The following AUTS2 variants were observed in gnomAD, a reference collection of about 807,000 sequenced individuals.
AUTS2 encodes the protein autism susceptibility gene 2 protein.
Under a neutral mutation model 112.4 loss-of-function variants are expected in AUTS2, and 17 were observed. The ratio of observed to expected loss-of-function variants is 0.15; its 90% CI spans 0.10 to 0.23. AUTS2 has a LOEUF of 0.23. Among genes scored for constraint, AUTS2 ranks in the 10% least tolerant of loss-of-function variants. The pLI is 1.00. For missense variants in AUTS2, 1,510 were observed against 1,701.6 expected (o/e 0.89, Z 1.98); for synonymous variants, 751 against 702.7 (o/e 1.07, Z -1.09).
intron 1 of AUTS2, among the ~76,000 whole-genome samples, chr7:69,762,890 T>TA (rs1788254614): frequency 6.6e-6 from 1 of 152,212 alleles, no homozygotes; most frequent in Non-Finnish European, 1.5e-5. Context: ...TGCATGTTCT[T>TA]ACATGCTCCT....
chr7:70,140,291 T>G (rs1806792877), intron 4 of AUTS2, among the ~76,000 whole-genome samples: 1 of 152,200 alleles, frequency 6.6e-6, no homozygotes, highest in Non-Finnish European at 1.5e-5. Flanking sequence ...TTAGACCCAG[T>G]GTTCGTTAGG....
At chr7:70,635,851 GT>G (rs1398111080) in intron 5 of AUTS2, among the ~76,000 whole-genome samples, 1 of 152,206 alleles carries the variant, frequency 6.6e-6, no homozygotes, top group African/African-American at 2.4e-5. Context: ...AATTGATGAT[GT>G]GCCAGGTGGA....
intron 5 of AUTS2, among the ~76,000 whole-genome samples, chr7:70,691,914 T>TGTTTAGGCTGTAGTACA (rs1808774989): frequency 2.0e-5 from 3 of 149,846 alleles, no homozygotes; most frequent in Non-Finnish European, 4.4e-5. Flanking sequence ...CTTACTCTGT[T>TGTTTAGGCTGTAGTACA]GTTTAGGCTG....
chr7:70,640,421 G>GGA (rs370175951), intron 5 of AUTS2, among the ~76,000 whole-genome samples: 3 of 93,640 alleles, frequency 3.2e-5, no homozygotes, highest in South Asian at 4.8e-4. Flanking sequence ...CTCACAGGGG[G>GGA]AAAAAAAAAA....
At chr7:70,365,550 A>C (rs1299009217) in intron 4 of AUTS2, among the ~76,000 whole-genome samples, 1 of 152,238 alleles carries the variant, frequency 6.6e-6, no homozygotes, top group Non-Finnish European at 1.5e-5. Context: ...GACTCCTTCC[A>C]TTCATGTCTG....
At chr7:70,363,342 A>AGTCTTATTTTTAATTGCTC (rs1562909977) in intron 4 of AUTS2, among the ~76,000 whole-genome samples, 2 of 132,304 alleles carry the variant, frequency 1.5e-5, no homozygotes, top group African/African-American at 6.2e-5. Context: ...AGCTATTGAT[A>AGTCTTATTTTTAATTGCTC]TACCTAATGC....
chr7:70,666,892 T>C (rs1807379067), intron 5 of AUTS2, among the ~76,000 whole-genome samples: 1 of 150,604 alleles, frequency 6.6e-6, no homozygotes, highest in Non-Finnish European at 1.5e-5. Context: ...CAGGAGAGCA[T>C]CACTCCCAGC....
At chr7:70,673,986 A>T (rs1013503159) in intron 5 of AUTS2, among the ~76,000 whole-genome samples, 1 of 152,242 alleles carries the variant, frequency 6.6e-6, no homozygotes, top group African/African-American at 2.4e-5. Flanking sequence ...CAGAGATGAC[A>T]GATCTCATGT....
chr7:69,848,500 G>A (rs1204159202), intron 1 of AUTS2, among the ~76,000 whole-genome samples: 1 of 152,190 alleles, frequency 6.6e-6, no homozygotes, highest in Non-Finnish European at 1.5e-5. Flanking sequence ...GTGTTTGTGT[G>A]TGTGTGCACA....
At chr7:70,293,914 A>G (rs1788818486) in intron 4 of AUTS2, 1 of 152,220 alleles carries the variant, frequency 6.6e-6, no homozygotes, top group Non-Finnish European at 1.5e-5. Flanking sequence ...GAAGACTGCA[A>G]AAGTAGGTAT....
At chr7:69,614,903 C>A (rs1024169796) in intron 1 of AUTS2, among the ~76,000 whole-genome samples, 1 of 152,120 alleles carries the variant, frequency 6.6e-6, no homozygotes, top group Non-Finnish European at 1.5e-5. Context: ...TTGTATGTCC[C>A]GAATGGAAAT....
intron 4 of AUTS2, among the ~76,000 whole-genome samples, chr7:70,164,469 T>A (rs1238216134): frequency 6.6e-6 from 1 of 152,206 alleles, no homozygotes; most frequent in Non-Finnish European, 1.5e-5. Flanking sequence ...TTTTTCTTTT[T>A]GATGATAGTT....
chr7:70,118,030 G>T, intron 2 of AUTS2, 102 bp from the exon 3 acceptor site: 1 of 1,362,528 alleles, frequency 7.3e-7, no homozygotes. Flanking sequence ...TTACAGGCGT[G>T]AGCCACCGTG....
chr7:70,207,618 C>T (rs1026980792), intron 4 of AUTS2, among the ~76,000 whole-genome samples: 8 of 152,014 alleles, frequency 5.3e-5, no homozygotes, highest in Non-Finnish European at 7.4e-5. Context: ...GAATGTAATA[C>T]GGAAATATGA....
intron 4 of AUTS2, among the ~76,000 whole-genome samples, chr7:70,358,977 G>A (rs1190242604): frequency 2.6e-5 from 4 of 152,238 alleles, no homozygotes; most frequent in Non-Finnish European, 5.9e-5. Context: ...TGGAAAGTCA[G>A]CTGGGGTCTT....
intron 1 of AUTS2, among the ~76,000 whole-genome samples, chr7:69,837,126 C>T (rs377520685): frequency 1.1e-4 from 16 of 152,038 alleles, no homozygotes; most frequent in Non-Finnish European, 1.6e-4. Flanking sequence ...GACTAAAGGG[C>T]GAGTCTTTGC....
chr7:70,339,159 G>A (rs796111753), intron 4 of AUTS2, among the ~76,000 whole-genome samples: 5 of 152,104 alleles, frequency 3.3e-5, no homozygotes, highest in East Asian at 3.9e-4. Flanking sequence ...CACCGCGCCC[G>A]GCCTGGCCTC....
At chr7:70,580,576 G>A (rs1358782972) in intron 5 of AUTS2, among the ~76,000 whole-genome samples, 1 of 152,184 alleles carries the variant, frequency 6.6e-6, no homozygotes, top group Non-Finnish European at 1.5e-5. Flanking sequence ...AGGCCATGAG[G>A]GCTGCAGCTG....
intron 1 of AUTS2, among the ~76,000 whole-genome samples, chr7:69,831,364 AG>A (rs1177498688): frequency 3.3e-5 from 5 of 152,194 alleles, no homozygotes; most frequent in Admixed American, 6.5e-5. Context: ...GCCTAACTCC[AG>A]GACTTCATCC....
Sources: gnomAD v4.1 joint callset for allele counts (sites outside exome capture counted in the v4.1 genomes callset) on GRCh38, gnomAD v4.1.1 for gene constraint, MANE v1.5 for transcripts, NCBI Gene and HGNC (gene_info 2026-07-23, HGNC 2026-07-21) for gene names.